AMOTL1: variants seen among roughly 807,000 people sequenced by gnomAD.
AMOTL1 encodes the protein angiomotin like 1.
In AMOTL1, 45 loss-of-function variants were observed where a neutral mutation model predicts 102.9. That is an observed-to-expected ratio of 0.44 (90% CI 0.34 to 0.56). The LOEUF (loss-of-function observed/expected upper bound fraction) is 0.56. AMOTL1 is among the 20% of genes least tolerant of loss of function. AMOTL1 has a pLI of 0.01. For missense variants in AMOTL1, 1,114 were observed against 1,225.6 expected (o/e 0.91, Z 1.36); for synonymous variants, 481 against 484.7 (o/e 0.99, Z 0.10).
chr11:94,769,183 C>G (rs1950906361), intron 1 of AMOTL1, among the ~76,000 whole-genome samples: 1 of 152,254 alleles, frequency 6.6e-6, no homozygotes, highest in Non-Finnish European at 1.5e-5. Flanking sequence ...ATCCAGCTCC[C>G]GCTTGCCTGT....
intron 9 of AMOTL1, among the ~76,000 whole-genome samples, chr11:94,859,997 T>C (rs1027478554): frequency 1.3e-5 from 2 of 152,132 alleles, no homozygotes; most frequent in Non-Finnish European, 2.9e-5. Context: ...AAAGAGTTAA[T>C]CTCAGTGTTG....
intron 3 of AMOTL1, among the ~76,000 whole-genome samples, chr11:94,805,616 C>G (rs1469886096): frequency 1.3e-5 from 2 of 152,168 alleles, no homozygotes; most frequent in African/African-American, 4.8e-5. Context: ...CTGTACATTG[C>G]CTTTTTGGCC....
At position 94,757,004 on chromosome 11, in the gene AMOTL1, T is replaced by C. The variant is rs1950733983; in HGVS notation, c.136+16016T>C. On this transcript the variant is annotated intron_variant, in intron 3 of 4. Coordinates refer to the AMOTL1 transcript ENST00000299004. ...ACCTAACCTAGCCCATTTTTTTTTT[T>C]CTGTTTTGTCTATTTTGGTATCTTG... Among the ~76,000 whole-genome samples, 7 of 143,068 alleles carry C rather than the reference T, an allele frequency of 4.9e-5. No homozygotes were observed. In the South Asian group the frequency reaches 1.4e-3, roughly 28 times the overall value. The allele number at this position is 143,068 out of a possible 152,430, so 93.9% of individuals were successfully genotyped here.
At chr11:94,807,554 A>G (rs1029584558) in intron 3 of AMOTL1, among the ~76,000 whole-genome samples, 1 of 152,226 alleles carries the variant, frequency 6.6e-6, no homozygotes, top group East Asian at 1.9e-4. Flanking sequence ...CAAGAGTAGA[A>G]GAAAAATCCA....
chr11:94,749,504 A>G (rs568154493), intron 3 of AMOTL1, among the ~76,000 whole-genome samples: 35 of 152,354 alleles, frequency 2.3e-4, no homozygotes, highest in African/African-American at 8.4e-4. Flanking sequence ...CTCTCTAGGT[A>G]TCCCTGAATT....
At chr11:94,733,610 C>A (rs544897287) in intron 2 of AMOTL1, among the ~76,000 whole-genome samples, 54 of 152,334 alleles carry the variant, frequency 3.5e-4, no homozygotes, top group African/African-American at 1.3e-3. Flanking sequence ...CCCCCTCAGG[C>A]CTCTGCCTTA....
intron 3 of AMOTL1, among the ~76,000 whole-genome samples, chr11:94,817,724 G>A (rs1478005065): frequency 6.6e-6 from 1 of 152,148 alleles, no homozygotes; most frequent in East Asian, 1.9e-4. Flanking sequence ...GACTCTGACA[G>A]TTGTTCTTGA....
intron 1 of AMOTL1, among the ~76,000 whole-genome samples, chr11:94,777,725 A>C (rs1951045341): frequency 6.6e-6 from 1 of 152,206 alleles, no homozygotes; most frequent in African/African-American, 2.4e-5. Flanking sequence ...GAATATTTTC[A>C]ATTTCTCTTA....
chr11:94,866,112 C>T lies in AMOTL1; in HGVS notation c.2432C>T (p.Thr811Ile). The T allele has an allele frequency of 6.2e-7, 1 of 1,613,948 alleles. No homozygotes were observed. The highest frequency in any genetic ancestry group is 8.5e-7 in the Non-Finnish European group (1 of 1,179,898). Residue 811 changes from threonine to isoleucine, a missense_variant, in exon 11 of 13, where the codon ACC becomes ATC. Physicochemically the swap from Thr to Ile is moderately conservative, Grantham distance 89. Coordinates refer to ENST00000433060, the MANE Select transcript of AMOTL1 (RefSeq NM_130847.3). ...TGTHSRQTSLTSSQLAEEKKE... is the reference protein window; with the variant it reads ...TGTHSRQTSLISSQLAEEKKE... ...ACACACTCTCGCCAGACCTCTCTTA[C>T]CAGCAGCCAGCTGGCTGAGGAAAAG...
chr11:94,713,822 C>T (rs1243502486), intron 1 of AMOTL1, among the ~76,000 whole-genome samples: 1 of 151,798 alleles, frequency 6.6e-6, no homozygotes, highest in Non-Finnish European at 1.5e-5. Flanking sequence ...GGATTTTCTA[C>T]ACAGACCATT....
intron 1 of AMOTL1, among the ~76,000 whole-genome samples, chr11:94,717,217 T>C (rs770760807): frequency 1.3e-5 from 2 of 151,044 alleles, no homozygotes; most frequent in Admixed American, 6.6e-5. Flanking sequence ...ATTTCCAGAG[T>C]ATTTAGTTAT....
At chr11:94,773,428 C>T (rs1305320617) in intron 1 of AMOTL1, among the ~76,000 whole-genome samples, 1 of 152,206 alleles carries the variant, frequency 6.6e-6, no homozygotes, top group South Asian at 2.1e-4. Flanking sequence ...TATAAACCAT[C>T]TATTAGGTCT....
chr11:94,817,210 TTA>T (rs2135615872), intron 3 of AMOTL1, among the ~76,000 whole-genome samples: 1 of 152,198 alleles, frequency 6.6e-6, no homozygotes, highest in African/African-American at 2.4e-5. Flanking sequence ...GAATAAAGGT[TTA>T]TGCTTTTTTT....
At chr11:94,796,943 G>GT (rs1355312862) in intron 2 of AMOTL1, 3 of 976,568 alleles carry the variant, frequency 3.1e-6, no homozygotes, top group Non-Finnish European at 3.6e-6. Context: ...CACCACCTTT[G>GT]TTTTTTTCTC....
chr11:94,855,769 G>T (rs1426125351), intron 8 of AMOTL1, among the ~76,000 whole-genome samples: 1 of 152,276 alleles, frequency 6.6e-6, no homozygotes, highest in East Asian at 1.9e-4. Context: ...ATAGTTGGCT[G>T]TATGCACACT....
intron 2 of AMOTL1, among the ~76,000 whole-genome samples, chr11:94,739,187 T>A (rs896838013): frequency 6.6e-6 from 1 of 152,060 alleles, no homozygotes; most frequent in African/African-American, 2.4e-5. Context: ...GAAAGAAACA[T>A]TCAGAGAGGA....
chr11:94,779,503 G>A (rs146969354), intron 1 of AMOTL1, among the ~76,000 whole-genome samples: 2 of 152,246 alleles, frequency 1.3e-5, no homozygotes, highest in African/African-American at 4.8e-5. Context: ...GTAACTGAAG[G>A]TACAAAATGA....
At chr11:94,859,355 G>A (rs550922809) in intron 8 of AMOTL1, among the ~76,000 whole-genome samples, 170 bp from the exon 9 acceptor site, 5 of 152,190 alleles carry the variant, frequency 3.3e-5, no homozygotes, top group East Asian at 1.9e-4. Flanking sequence ...TAATATTGTC[G>A]TTTTGCAGAG....
intron 1 of AMOTL1, among the ~76,000 whole-genome samples, chr11:94,771,920 C>T (rs193032137): frequency 7.9e-5 from 12 of 152,304 alleles, no homozygotes; most frequent in African/African-American, 1.7e-4. Flanking sequence ...CAAAAACTGT[C>T]GTTCTATGGT....
Sources: gnomAD v4.1 joint callset for allele counts (sites outside exome capture counted in the v4.1 genomes callset) on GRCh38, gnomAD v4.1.1 for gene constraint, MANE v1.5 for transcripts, NCBI Gene and HGNC (gene_info 2026-07-23, HGNC 2026-07-21) for gene names.